The following CDYL variants were observed in gnomAD, a reference collection of about 807,000 sequenced individuals.
CDYL encodes chromodomain Y-like protein.
CDYL carries 8 observed loss-of-function variants against 47.3 expected under a neutral mutation model. The observed-to-expected ratio is 0.17, with a 90% CI of 0.10 to 0.31. CDYL has a LOEUF of 0.31. CDYL is among the 10% of genes least tolerant of loss of function. CDYL has a pLI of 1.00. For missense variants in CDYL, 471 were observed against 701.4 expected, an observed-to-expected ratio of 0.67 and a Z score of 3.71; for synonymous variants, 266 against 265.0, an observed-to-expected ratio of 1.00 and a Z score of -0.04.
At chr6:4,762,809 G>A (rs1230160096) in intron 3 of CDYL, among the ~76,000 whole-genome samples, 1 of 152,098 alleles carries the variant, frequency 6.6e-6, no homozygotes, top group African/African-American at 2.4e-5. Flanking sequence ...GGACTGTAGT[G>A]AAAAGCTGTA....
At chr6:4,707,164 G>A (rs1343692705) in intron 1 of CDYL, among the ~76,000 whole-genome samples, 1 of 152,192 alleles carries the variant, frequency 6.6e-6, no homozygotes. Flanking sequence ...ACATTCCCCA[G>A]GGGTGTATTC....
chr6:4,724,061 G>GA (rs754930211), intron 2 of CDYL, among the ~76,000 whole-genome samples: 22 of 148,210 alleles, frequency 1.5e-4, no homozygotes, highest in Non-Finnish European at 2.5e-4. Context: ...GCGCGTTTGA[G>GA]AGAGTCTTGC....
At chr6:4,917,130 T>C (rs1757580890) in intron 2 of CDYL, among the ~76,000 whole-genome samples, 1 of 152,240 alleles carries the variant, frequency 6.6e-6, no homozygotes, top group African/African-American at 2.4e-5. Flanking sequence ...TTTGCTTTCA[T>C]GGTTATTCCT....
chr6:4,831,212 G>A (rs1000433536), intron 1 of CDYL, among the ~76,000 whole-genome samples: 7 of 152,108 alleles, frequency 4.6e-5, no homozygotes, highest in African/African-American at 1.4e-4. Flanking sequence ...ATGGTTTTAG[G>A]TCTAACATTT....
At chr6:4,816,116 C>T (rs535931940) in intron 1 of CDYL, among the ~76,000 whole-genome samples, 2 of 152,018 alleles carry the variant, frequency 1.3e-5, no homozygotes, top group South Asian at 2.1e-4. Context: ...AAATGCTACC[C>T]GTTGGCATAC....
intron 1 of CDYL, among the ~76,000 whole-genome samples, chr6:4,838,196 T>C (rs868036523): frequency 1.3e-5 from 2 of 152,150 alleles, no homozygotes; most frequent in African/African-American, 4.8e-5. Context: ...GAACAGGTGG[T>C]GTTTGGTTAC....
chr6:4,724,199 C>G (rs1757438199), intron 2 of CDYL, among the ~76,000 whole-genome samples: 1 of 150,726 alleles, frequency 6.6e-6, no homozygotes, highest in Admixed American at 6.6e-5. Flanking sequence ...TGCCATCACA[C>G]CCAGCTAATT....
intron 1 of CDYL, among the ~76,000 whole-genome samples, chr6:4,818,256 AAAAATAAAATAAAATAT>A (rs1448607617): frequency 1.3e-5 from 2 of 152,322 alleles, no homozygotes; most frequent in African/African-American, 2.4e-5. Flanking sequence ...CCCTGTCTCA[AAAAATAAAATAAAATAT>A]AAAATAAAAT....
intron 2 of CDYL, among the ~76,000 whole-genome samples, chr6:4,721,221 A>C (rs1445861959): frequency 6.6e-6 from 1 of 152,152 alleles, no homozygotes; most frequent in Non-Finnish European, 1.5e-5. Context: ...CCACATTCAA[A>C]CAACCTTATT....
chr6:4,875,657 T>G (rs2127475317), intron 1 of CDYL, among the ~76,000 whole-genome samples: 1 of 152,340 alleles, frequency 6.6e-6, no homozygotes, highest in South Asian at 2.1e-4. Flanking sequence ...TCACTTTTTC[T>G]GGTTGGTTGG....
At chr6:4,861,119 A>G (rs1375026416) in intron 1 of CDYL, among the ~76,000 whole-genome samples, 5 of 152,382 alleles carry the variant, frequency 3.3e-5, no homozygotes, top group East Asian at 1.9e-4. Context: ...ATCTAAAAAT[A>G]TAGAAGAGTT....
intron 1 of CDYL, among the ~76,000 whole-genome samples, chr6:4,844,611 A>G (rs777105672): frequency 1.2e-4 from 18 of 152,132 alleles, no homozygotes; most frequent in Non-Finnish European, 1.9e-4. Context: ...TTCCCCCAAC[A>G]TGGGTTTGTT....
intron 1 of CDYL, among the ~76,000 whole-genome samples, chr6:4,713,591 T>TA (rs201567914): frequency 8.8e-5 from 13 of 148,506 alleles, no homozygotes; most frequent in Middle Eastern, 3.5e-3. Flanking sequence ...TTTAGATTCT[T>TA]TTTTTTTTTT....
At chr6:4,709,940 G>A (rs937319477) in intron 1 of CDYL, among the ~76,000 whole-genome samples, 1 of 151,900 alleles carries the variant, frequency 6.6e-6, no homozygotes. Context: ...CATCTCTTTG[G>A]CCAGGCACGG....
chr6:4,756,466 T>C (rs1351746102), intron 3 of CDYL, among the ~76,000 whole-genome samples: 1 of 152,172 alleles, frequency 6.6e-6, no homozygotes, highest in East Asian at 1.9e-4. Flanking sequence ...GTTGGCTCTG[T>C]GGTTTTTACT....
At chr6:4,803,028 T>G (rs956149086) in intron 1 of CDYL, among the ~76,000 whole-genome samples, 2 of 152,182 alleles carry the variant, frequency 1.3e-5, no homozygotes, top group Non-Finnish European at 2.9e-5. Context: ...GCTCCATTGC[T>G]GTTCTGTTCC....
In CDYL at chr6:4,896,999, T is replaced by C. The variant is rs146611302; in HGVS notation, c.691+4620T>C. On this transcript the variant is annotated intron_variant, in intron 2 of 6. Transcript: ENST00000397588. ...AGTATGACGCAAAGGCTTAAATGAA[T>C]ATATTATTTCACTCAGAAATGTGAG... Among the ~76,000 whole-genome samples the C allele has an allele frequency of 1.7e-3, 257 of 152,318 alleles. 1 individual carries two copies. The highest frequency in any genetic ancestry group is 5.8e-3 in the African/African-American group (242 of 41,582).
chr6:4,862,029 G>A (rs1024952662), intron 1 of CDYL, among the ~76,000 whole-genome samples: 14 of 151,982 alleles, frequency 9.2e-5, no homozygotes, highest in Admixed American at 4.6e-4. Context: ...CCTCCTCCCC[G>A]ACCCCTACTC....
chr6:4,800,837 C>T (rs1449758983), intron 1 of CDYL, among the ~76,000 whole-genome samples: 1 of 152,146 alleles, frequency 6.6e-6, no homozygotes, highest in Non-Finnish European at 1.5e-5. Flanking sequence ...TTTATGACGT[C>T]ATTTTCTCTG....
Sources: allele counts gnomAD v4.1 joint callset (sites outside exome capture counted in the v4.1 genomes callset), GRCh38; gene constraint gnomAD v4.1.1; transcripts MANE v1.5; gene names NCBI Gene and HGNC (gene_info 2026-07-23, HGNC 2026-07-21).